Variants in EVI5 observed in about 807,000 individuals in gnomAD.
The protein encoded by EVI5 is ecotropic viral integration site 5 protein homolog.
EVI5 carries 73 observed loss-of-function variants against 112.0 expected under a neutral mutation model. The ratio of observed to expected loss-of-function variants is 0.65; its 90% confidence interval spans 0.54 to 0.79. The LOEUF is 0.79. EVI5 is among the 30% of genes least tolerant of loss of function. The probability of loss-of-function intolerance (pLI) is 0.00; values close to 1 mark genes in which losing one functional copy is unlikely to be tolerated. For synonymous variants in EVI5, 305 were observed against 319.9 expected, an observed-to-expected ratio of 0.95 and a Z score of 0.50; for missense variants, 900 against 968.8, an observed-to-expected ratio of 0.93 and a Z score of 0.94.
At chr1:92,566,495 C>T (rs973298863) in intron 18 of EVI5, among the ~76,000 whole-genome samples, 1 of 152,052 alleles carries the variant, frequency 6.6e-6, no homozygotes, top group South Asian at 2.1e-4. Flanking sequence ...ATGGCATATA[C>T]AATTATGCAC....
At chr1:92,757,523 C>T (rs1257511974) in intron 1 of EVI5, among the ~76,000 whole-genome samples, 6 of 151,836 alleles carry the variant, frequency 4.0e-5, no homozygotes, top group Non-Finnish European at 8.8e-5. Context: ...GATGATTCTA[C>T]ATAACTTCCT....
intron 1 of EVI5, among the ~76,000 whole-genome samples, chr1:92,759,855 AC>A (rs370589975): frequency 9.5e-6 from 1 of 105,234 alleles, no homozygotes; most frequent in Non-Finnish European, 1.8e-5. Flanking sequence ...ATATACAAAT[AC>A]CCTCCCCCCC....
At chr1:92,693,778 C>T in intron 9 of EVI5, 24 bp downstream of exon 9, 1 of 1,319,454 alleles carries the variant, frequency 7.6e-7, no homozygotes, top group Non-Finnish European at 1.1e-6. Flanking sequence ...CACTGAATTT[C>T]CAACAAAAAT....
chr1:92,686,893 CACAA>C (rs1397907673), intron 9 of EVI5, among the ~76,000 whole-genome samples: 1 of 152,000 alleles, frequency 6.6e-6, no homozygotes, highest in East Asian at 1.9e-4. Context: ...AATAAGAGGA[CACAA>C]ACAAACGGAA....
intron 19 of EVI5, among the ~76,000 whole-genome samples, chr1:92,537,576 A>G (rs1180880905): frequency 6.6e-6 from 1 of 152,096 alleles, no homozygotes; most frequent in Admixed American, 6.6e-5. Context: ...ATGTAATGGG[A>G]GATGATATGC....
intron 18 of EVI5, among the ~76,000 whole-genome samples, chr1:92,603,107 G>A (rs1649540338): frequency 6.6e-6 from 1 of 152,082 alleles, no homozygotes; most frequent in South Asian, 2.1e-4. Flanking sequence ...GCCCAACATA[G>A]CTCATCATTA....
rs189308061 is a variant in EVI5, at chr1:92,616,387, G to A, written c.1827+7789C>T. ...GGGAATAATTGAATACTGAGGTGCC[G>A]GGGCCAAGTGGCAGCACTCAACCAT... On this transcript the variant is annotated intron_variant, in intron 16 of 19. Coordinates refer to ENST00000684568, the MANE Select transcript of EVI5 (RefSeq NM_001350197.2). 8.3e-4 allele frequency among the ~76,000 whole-genome samples: 127 copies of A among 152,220 alleles called. 1 individual carries two copies. Among genetic ancestry groups the A allele is most frequent in the African/African-American group, 2.9e-3 (119 of 41,530 alleles).
intron 10 of EVI5, among the ~76,000 whole-genome samples, chr1:92,667,027 C>T (rs1665034771): frequency 6.6e-6 from 1 of 152,160 alleles, no homozygotes; most frequent in South Asian, 2.1e-4. Context: ...CTCAGTGGCT[C>T]ACACCTGCAA....
chr1:92,704,919 T>G (rs1214326699), intron 2 of EVI5, among the ~76,000 whole-genome samples, 175 bp from the exon 3 acceptor site: 1 of 152,150 alleles, frequency 6.6e-6, no homozygotes, highest in Non-Finnish European at 1.5e-5. Flanking sequence ...TGCTATATTT[T>G]TTTCACCTAT....
intron 1 of EVI5, chr1:92,784,292 T>A: frequency 1.0e-6 from 1 of 985,100 alleles, no homozygotes; most frequent in African/African-American, 1.7e-5. Flanking sequence ...GCCCCACTAG[T>A]CATAAGGTGA....
At chr1:92,524,622 A>C (rs1170945457) in intron 19 of EVI5, among the ~76,000 whole-genome samples, 4 of 152,130 alleles carry the variant, frequency 2.6e-5, no homozygotes, top group Non-Finnish European at 5.9e-5. Flanking sequence ...ACATCTCAAC[A>C]ATCACAGTCT....
At chr1:92,527,515 C>T (rs181229068) in intron 19 of EVI5, among the ~76,000 whole-genome samples, 259 of 150,732 alleles carry the variant, frequency 1.7e-3, no homozygotes, top group African/African-American at 6.0e-3. Flanking sequence ...GCAAAATGTA[C>T]AGATTTTATG....
At chr1:92,567,157 A>G (rs6697491) in intron 18 of EVI5, among the ~76,000 whole-genome samples, 92,984 of 151,848 alleles carry the variant, frequency 0.61, 29,293 homozygotes, top group East Asian at 0.92. Flanking sequence ...TTAAAAAAAC[A>G]GCTTATAGAA....
At chr1:92,770,701 A>G (rs1424148200) in intron 1 of EVI5, among the ~76,000 whole-genome samples, 1 of 151,360 alleles carries the variant, frequency 6.6e-6, no homozygotes, top group Non-Finnish European at 1.5e-5. Flanking sequence ...GAGGCAGGAG[A>G]ATGGTGTGAA....
At chr1:92,605,669 GA>G (rs1343634576) in intron 17 of EVI5, among the ~76,000 whole-genome samples, 4 of 152,130 alleles carry the variant, frequency 2.6e-5, no homozygotes, top group African/African-American at 9.7e-5. Flanking sequence ...TGAAATTTAT[GA>G]AAAAACTCCA....
At chr1:92,703,883 G>T in intron 3 of EVI5, 1 of 246,560 alleles carries the variant, frequency 4.1e-6, no homozygotes, top group Non-Finnish European at 6.9e-6. Flanking sequence ...GAAACCTGCA[G>T]AGCTGTGAAT....
intron 18 of EVI5, among the ~76,000 whole-genome samples, chr1:92,580,189 C>T (rs1015377156): frequency 6.6e-6 from 1 of 152,142 alleles, no homozygotes; most frequent in Non-Finnish European, 1.5e-5. Context: ...CAGCAAAATT[C>T]TAGAAGTTTG....
At chr1:92,619,610 T>C (rs749061060) in intron 16 of EVI5, among the ~76,000 whole-genome samples, 19 of 151,720 alleles carry the variant, frequency 1.3e-4, no homozygotes, top group Middle Eastern at 3.4e-3. Context: ...AAATGAAAAC[T>C]ATGAGTCAAA....
At chr1:92,785,205 G>C (rs1685484931), upstream of EVI5, 4 of 635,958 alleles carry the variant, frequency 6.3e-6, no homozygotes, top group Non-Finnish European at 5.9e-6. Flanking sequence ...GCCGAGAAAA[G>C]GAGAAGGCGA....
Sources: gnomAD v4.1 joint callset for allele counts (sites outside exome capture counted in the v4.1 genomes callset) on GRCh38, gnomAD v4.1.1 for gene constraint, MANE v1.5 for transcripts, NCBI Gene and HGNC (gene_info 2026-07-23, HGNC 2026-07-21) for gene names.